Variants in RRBP1 observed in about 807,000 individuals in gnomAD.
The protein encoded by RRBP1 is ribosome binding protein 1, also known as ribosome-binding protein 1.
A neutral mutation model predicts 165.2 loss-of-function variants in RRBP1; 94 were observed. That is an observed-to-expected ratio of 0.57 (90% CI 0.48 to 0.68). The LOEUF (loss-of-function observed/expected upper bound fraction) is 0.68, where lower values mean the gene tolerates loss of function less well. Among genes scored for constraint, RRBP1 ranks in the 30% least tolerant of loss-of-function variants. The pLI, the probability that RRBP1 is intolerant of heterozygous loss-of-function variation, is 0.00. For synonymous variants in RRBP1, 680 were observed against 714.5 expected (o/e 0.95, Z 0.77); for missense variants, 1,676 against 1,763.0 (o/e 0.95, Z 0.88).
chr20:17,646,615 A>G (rs1401335030), intron 3 of RRBP1, among the ~76,000 whole-genome samples: 1 of 152,232 alleles, frequency 6.6e-6, no homozygotes, highest in Non-Finnish European at 1.5e-5. Context: ...GGTAACGCAC[A>G]GCAAAATAAA....
chr20:17,654,885 C>T (rs937301267), intron 3 of RRBP1, among the ~76,000 whole-genome samples: 17 of 152,224 alleles, frequency 1.1e-4, no homozygotes, highest in Non-Finnish European at 2.4e-4. Flanking sequence ...CCCTGCCTTC[C>T]AGGGATCTTT....
At chr20:17,665,905 T>C (rs1430938341) in intron 2 of RRBP1, among the ~76,000 whole-genome samples, 1 of 152,198 alleles carries the variant, frequency 6.6e-6, no homozygotes, top group Non-Finnish European at 1.5e-5. Context: ...GTGATAAAAC[T>C]TTCCCCATCA....
chr20:17,614,095 G>T lies in RRBP1; in HGVS notation c.*87C>A. ...CTACCGGAAGTTGGGCCTGGATAAC[G>T]CTGTGTAGGTTGGTTGGTTTATTTG... On this transcript the variant is annotated 3_prime_UTR_variant, in exon 25 of 25. Transcript: ENST00000377813. 1 of 1,348,830 alleles carries T rather than the reference G, an allele frequency of 7.4e-7. No homozygotes were observed. Among genetic ancestry groups the T allele is most frequent in the South Asian group, 1.2e-5 (1 of 85,238 alleles). 83.6% of individuals were successfully genotyped at this position (1,348,830 alleles called of 1,614,324 possible). A position where few individuals can be genotyped will look rare whatever the true frequency, so the allele number is the denominator to read the frequency against.
At chr20:17,616,558 C>T (rs915663104) in intron 21 of RRBP1, among the ~76,000 whole-genome samples, 174 bp downstream of exon 21, 2 of 152,238 alleles carry the variant, frequency 1.3e-5, no homozygotes, top group African/African-American at 4.8e-5. Context: ...CTTTCTGTTC[C>T]ATGCTCTGTG....
intron 2 of RRBP1, among the ~76,000 whole-genome samples, chr20:17,676,552 A>G (rs1179883917): frequency 2.0e-5 from 3 of 152,178 alleles, no homozygotes; most frequent in Non-Finnish European, 4.4e-5. Context: ...TAGTCCGGTC[A>G]CACCGGACAG....
intron 21 of RRBP1, 77 bp from the exon 22 acceptor site, chr20:17,616,086 C>T (rs2236250): frequency 0.71 from 851,740 of 1,195,408 alleles, 315,272 homozygotes; most frequent in Non-Finnish European, 0.76. Context: ...GCACAGGCAC[C>T]GCTCTCTAGC....
chr20:17,615,467 T>C lies in RRBP1; in HGVS notation c.4014A>G (p.Leu1338=), dbSNP rs1283892265. 5 of 1,609,648 alleles carry C rather than the reference T, an allele frequency of 3.1e-6. No homozygotes were observed. The highest frequency in any genetic ancestry group is 2.2e-5 in the East Asian group (1 of 44,534). ...ELEKLRTAGP[L]ESSETEEASQ... The stretch of plus-strand genomic sequence containing the variant: ...AGGCCTCCTCTGTTTCTGAAGACTC[T>C]AGGGGGCCGGCTGTGCGGAGCTTCT... Residue 1338 remains leucine (L), a synonymous_variant, in exon 23 of 25, where the codon CTA becomes CTG. Transcript: ENST00000377813.
chr20:17,615,839 G>A (rs565168535), intron 22 of RRBP1, 87 bp downstream of exon 22: 34 of 1,197,644 alleles, frequency 2.8e-5, no homozygotes, highest in South Asian at 1.9e-4. Flanking sequence ...GGGCACAGCC[G>A]AGCGGGGCAG....
Position 17,614,235 on chromosome 20 carries a change from A to G in RRBP1, c.4195-15T>C. The G allele has an allele frequency of 6.2e-7, 1 of 1,612,354 alleles. No homozygotes were observed. Among genetic ancestry groups the G allele is most frequent in the South Asian group, 1.1e-5 (1 of 91,082 alleles). On this transcript the variant is annotated splice_polypyrimidine_tract_variant and intron_variant, in intron 24 of 24. Coordinates refer to ENST00000377813, the MANE Select transcript of RRBP1 (RefSeq NM_001365613.2). ...CTGCCGTCCTCCTGTGAACGAAGGC[A>G]GGTGGCGTGAGGGGGGCTGGGCCAC...
chr20:17,616,731 C>T lies in RRBP1; in HGVS notation c.3867+1G>A, dbSNP rs756151022. ...TCTGGGGACCAGCTCACCGCCCTAA[C>T]CTGAACGGGGTCCTGCTCGGCTGGG... is the stretch of plus-strand genomic sequence containing the variant. On this transcript the variant is annotated splice_donor_variant, in intron 21 of 24. Coordinates refer to ENST00000377813, the MANE Select transcript of RRBP1 (RefSeq NM_001365613.2). LOFTEE classifies it high-confidence loss of function. 5.6e-6 allele frequency: 9 copies of T among 1,605,260 alleles called. No individual in the cohort carries two copies. In the East Asian group the frequency reaches 2.0e-4, roughly 36 times the overall value.
Position 17,643,033 on chromosome 20 carries a change from C to G in RRBP1, c.2007G>C (p.Arg669=). 6.2e-7 allele frequency: 1 copy of G among 1,614,106 alleles called. No individual in the cohort carries two copies. The highest frequency in any genetic ancestry group is 8.5e-7 in the Non-Finnish European group (1 of 1,180,028). The part of the protein sequence containing the change: ...SMVFNEGEAQ[R]LIEILSEKAG... ...CCTTCTCAGACAGGATCTCGATGAG[C>G]CGCTGGGCCTCGCCCTCGTTGAACA... Residue 669 remains arginine (R), a synonymous_variant, in exon 4 of 25, where the codon CGG becomes CGC. Coordinates refer to ENST00000377813, the MANE Select transcript of RRBP1 (RefSeq NM_001365613.2). The surrounding 1 kb of genome is among the most constrained non-coding windows in gnomAD (Gnocchi z 4.3).
chr20:17,641,702 C>T (rs1446048727), intron 5 of RRBP1, 95 bp downstream of exon 5: 5 of 1,477,616 alleles, frequency 3.4e-6, no homozygotes, highest in Admixed American at 1.7e-5. Context: ...CAGGCAGGCC[C>T]CAGCATCTCG....
At position 17,624,788 on chromosome 20, in the gene RRBP1, C is replaced by A. The variant is rs1489621725; in HGVS notation, c.3055-120G>T. On this transcript the variant is annotated intron_variant, in intron 12 of 24. Coordinates refer to ENST00000377813, the MANE Select transcript of RRBP1 (RefSeq NM_001365613.2). ...TGATGCCACCCTGGCCCACAGAGGA[C>A]CTGCCACGGGACAAAATGCCCCTTC... is the stretch of plus-strand genomic sequence containing the variant. The A allele has an allele frequency of 1.1e-5, 8 of 704,982 alleles. No homozygotes were observed. The Admixed American group carries it at 1.8e-4, about 16-fold the overall frequency. 43.7% of individuals were successfully genotyped at this position (704,982 alleles called of 1,614,324 possible).
At chr20:17,671,998 G>A (rs2036988495) in intron 2 of RRBP1, among the ~76,000 whole-genome samples, 1 of 152,212 alleles carries the variant, frequency 6.6e-6, no homozygotes, top group Non-Finnish European at 1.5e-5. Context: ...GCACGTGGCT[G>A]CCATGTGCCA....
chr20:17,676,527 G>A (rs1447227906), intron 2 of RRBP1, among the ~76,000 whole-genome samples: 1 of 152,130 alleles, frequency 6.6e-6, no homozygotes, highest in South Asian at 2.1e-4. Context: ...CAGCTCCGTG[G>A]GACAAGCTGA....
intron 2 of RRBP1, among the ~76,000 whole-genome samples, chr20:17,679,120 A>AC (rs1190358324): frequency 6.6e-6 from 1 of 152,166 alleles, no homozygotes; most frequent in Non-Finnish European, 1.5e-5. Flanking sequence ...GACCAGCTGG[A>AC]CCTCCACATT....
chr20:17,635,038 G>A (rs1488314331), intron 7 of RRBP1, among the ~76,000 whole-genome samples: 1 of 152,152 alleles, frequency 6.6e-6, no homozygotes, highest in African/African-American at 2.4e-5. Flanking sequence ...AGGACACTTC[G>A]GACCAGAGAA....
chr20:17,650,491 C>G (rs757327180), intron 3 of RRBP1, among the ~76,000 whole-genome samples: 10 of 152,176 alleles, frequency 6.6e-5, no homozygotes, highest in Non-Finnish European at 1.5e-4. Context: ...TTACCCACCC[C>G]CGTCCATTAG....
At chr20:17,660,850 G>A (rs1251392672) in intron 2 of RRBP1, among the ~76,000 whole-genome samples, 1 of 152,144 alleles carries the variant, frequency 6.6e-6, no homozygotes, top group Non-Finnish European at 1.5e-5. Flanking sequence ...CCCCACCCAA[G>A]GTCAAAGATG....
Sources: gnomAD v4.1 joint callset for allele counts (sites outside exome capture counted in the v4.1 genomes callset) on GRCh38, gnomAD v4.1.1 for gene constraint, Gnocchi (gnomAD v3.1) non-coding constraint, MANE v1.5 for transcripts, NCBI Gene and HGNC (gene_info 2026-07-23, HGNC 2026-07-21) for gene names.